The following C9orf85 variants were observed in gnomAD, a reference collection of about 807,000 sequenced individuals.
C9orf85 encodes chromosome 9 open reading frame 85.
A neutral mutation model predicts 14.9 loss-of-function variants in C9orf85; 16 were observed. The observed-to-expected ratio is 1.08, with a 90% confidence interval of 0.73 to 1.63. The LOEUF is 1.63. Among genes scored for constraint, C9orf85 ranks in the 40% most tolerant of loss-of-function variants. The pLI, the probability that C9orf85 is intolerant of heterozygous loss-of-function variation, is 0.00. For synonymous variants in C9orf85, 45 were observed against 56.8 expected (o/e 0.79, Z 0.93); for missense variants, 172 against 186.1 (o/e 0.92, Z 0.44).
intron 3 of C9orf85, among the ~76,000 whole-genome samples, chr9:71,982,318 G>A (rs1366876346): frequency 1.3e-5 from 2 of 151,804 alleles, no homozygotes; most frequent in Non-Finnish European, 2.9e-5. Flanking sequence ...TCCACTTTGG[G>A]CTATTATGAA....
At chr9:71,963,059 C>CA (rs995680189) in intron 2 of C9orf85, among the ~76,000 whole-genome samples, 108 of 147,638 alleles carry the variant, frequency 7.3e-4, no homozygotes, top group African/African-American at 2.6e-3. Flanking sequence ...TCCGTCTCAC[C>CA]AAAAAAAAAG....
intron 1 of C9orf85, 72 bp from the exon 2 acceptor site, chr9:71,946,934 C>T (rs1481902422): frequency 4.1e-6 from 4 of 965,396 alleles, no homozygotes; most frequent in Non-Finnish European, 6.4e-6. Context: ...ACATCTCATA[C>T]ACTCTTTTAT....
At chr9:71,970,031 G>A (rs368223132) in intron 2 of C9orf85, among the ~76,000 whole-genome samples, 5 of 151,110 alleles carry the variant, frequency 3.3e-5, no homozygotes, top group African/African-American at 7.3e-5. Flanking sequence ...TGCAACCTCC[G>A]CCTCTTGGGT....
downstream of C9orf85, chr9:71,983,897 G>A (rs913658465): frequency 1.3e-5 from 2 of 152,176 alleles, no homozygotes; most frequent in East Asian, 1.9e-4. Context: ...TAGGATATAT[G>A]TATGTATGTA....
chr9:71,972,148 G>C (rs181741763), intron 3 of C9orf85, among the ~76,000 whole-genome samples: 1 of 152,002 alleles, frequency 6.6e-6, no homozygotes, highest in Admixed American at 6.5e-5. Flanking sequence ...CATTACAAAA[G>C]AATTACACAT....
At chr9:71,952,896 A>G (rs986383942) in intron 2 of C9orf85, among the ~76,000 whole-genome samples, 1 of 151,596 alleles carries the variant, frequency 6.6e-6, no homozygotes, top group African/African-American at 2.4e-5. Context: ...CACCAGCATT[A>G]TAATGTTAGC....
intron 1 of C9orf85, among the ~76,000 whole-genome samples, chr9:71,940,154 GA>G (rs1385417414): frequency 6.6e-6 from 1 of 151,988 alleles, no homozygotes; most frequent in East Asian, 1.9e-4. Flanking sequence ...GCATACATCT[GA>G]TAAAGGGCTG....
At chr9:71,943,684 A>G (rs1375454534) in intron 1 of C9orf85, among the ~76,000 whole-genome samples, 1 of 151,846 alleles carries the variant, frequency 6.6e-6, no homozygotes, top group Non-Finnish European at 1.5e-5. Flanking sequence ...CTAGGATTAC[A>G]GGCATGCGCC....
At chr9:71,937,406 T>C (rs1181093611) in intron 1 of C9orf85, among the ~76,000 whole-genome samples, 1 of 152,224 alleles carries the variant, frequency 6.6e-6, no homozygotes, top group Admixed American at 6.5e-5. Flanking sequence ...CTTTGCCCAC[T>C]TATTGAAAGA....
chr9:71,917,678 G>T (rs1316451873), intron 1 of C9orf85, among the ~76,000 whole-genome samples: 2 of 152,200 alleles, frequency 1.3e-5, no homozygotes, highest in African/African-American at 4.8e-5. Context: ...AAACACTAAT[G>T]TGGAGGGAAA....
chr9:71,982,433 T>C (rs1823113282), intron 3 of C9orf85, among the ~76,000 whole-genome samples: 1 of 152,216 alleles, frequency 6.6e-6, no homozygotes, highest in South Asian at 2.1e-4. Context: ...CTGGATTGTG[T>C]GGTAAATTCA....
intron 1 of C9orf85, among the ~76,000 whole-genome samples, chr9:71,938,138 T>G (rs570992507): frequency 6.6e-6 from 1 of 152,084 alleles, no homozygotes; most frequent in Non-Finnish European, 1.5e-5. Context: ...CACATGCAAA[T>G]TATTACTTCA....
rs912853554 is a variant in C9orf85, at chr9:71,972,635, C to T, written c.324-57C>T. The T allele has an allele frequency of 3.1e-6, 4 of 1,309,222 alleles. No individual in the cohort carries two copies. In the East Asian group the frequency reaches 9.8e-5, roughly 32 times the overall value. The allele number at this position is 1,309,222 out of a possible 1,614,324, so 81.1% of individuals were successfully genotyped here. A position where few individuals can be genotyped will look rare whatever the true frequency, so the allele number is the denominator to read the frequency against. On this transcript the variant is annotated intron_variant, in intron 3 of 3. Transcript: ENST00000334731. ...TAGTGGTAAAAGTCTTTTCAATCTA[C>T]ATGGTTAAATAATGATAGCCTGGGA...
At chr9:71,921,928 T>TTTATTATTATTATTA (rs1322378754) in intron 1 of C9orf85, among the ~76,000 whole-genome samples, 8 of 113,862 alleles carry the variant, frequency 7.0e-5, no homozygotes, top group Middle Eastern at 8.7e-3. Context: ...TTATTTTTTT[T>TTTATTATTATTATTA]TTATTATTAT....
chr9:71,969,458 A>G (rs954083320), intron 2 of C9orf85, among the ~76,000 whole-genome samples: 1 of 152,004 alleles, frequency 6.6e-6, no homozygotes, highest in Non-Finnish European at 1.5e-5. Context: ...TATTCTTTCA[A>G]TGTCTGTTAG....
In C9orf85 at chr9:71,963,017, T is replaced by C. The variant is rs966320881; in HGVS notation, c.210-8488T>C. On this transcript the variant is annotated intron_variant, in intron 2 of 3. Coordinates refer to ENST00000334731, the MANE Select transcript of C9orf85 (RefSeq NM_182505.5). ...GTTGCAGTGAGCCGAGATTGCGCCA[T>C]TGCACTCCAGCATGGGGGACAAGAG... 3.9e-5 allele frequency among the ~76,000 whole-genome samples: 6 copies of C among 151,946 alleles called. No individual in the cohort carries two copies. In the East Asian group the frequency reaches 9.7e-4, roughly 25 times the overall value.
At chr9:71,956,477 G>A (rs1293705905) in intron 2 of C9orf85, among the ~76,000 whole-genome samples, 1 of 148,736 alleles carries the variant, frequency 6.7e-6, no homozygotes, top group Admixed American at 6.9e-5. Flanking sequence ...TCAAACTCCT[G>A]ACCTCAGGTG....
At chr9:71,913,867 T>A (rs1827579197) in intron 1 of C9orf85, among the ~76,000 whole-genome samples, 1 of 139,908 alleles carries the variant, frequency 7.1e-6, no homozygotes, top group African/African-American at 2.6e-5. Flanking sequence ...TAAGTTGCAT[T>A]TGACCATTTT....
chr9:71,912,781 G>A (rs1360848854), intron 1 of C9orf85, among the ~76,000 whole-genome samples: 1 of 152,174 alleles, frequency 6.6e-6, no homozygotes, highest in Non-Finnish European at 1.5e-5. Flanking sequence ...CTACTCGGGA[G>A]GCTGAGGCAG....
Sources: allele counts gnomAD v4.1 joint callset (sites outside exome capture counted in the v4.1 genomes callset), GRCh38; gene constraint gnomAD v4.1.1; transcripts MANE v1.5; gene names NCBI Gene and HGNC (gene_info 2026-07-23, HGNC 2026-07-21).